The following ADGRB3 variants were observed in gnomAD, a reference collection of about 807,000 sequenced individuals.
ADGRB3 encodes adhesion G protein-coupled receptor B3, also known as brain-specific angiogenesis inhibitor 3.
A neutral mutation model predicts 193.4 loss-of-function variants in ADGRB3; 37 were observed. That is an observed-to-expected ratio of 0.19 (90% confidence interval 0.15 to 0.25). The LOEUF (loss-of-function observed/expected upper bound fraction) is 0.25, where lower values mean the gene tolerates loss of function less well. ADGRB3 is among the 10% of genes least tolerant of loss of function. The pLI is 1.00. For missense variants in ADGRB3, 1,637 were observed against 1,852.9 expected, an observed-to-expected ratio of 0.88 and a Z score of 2.14; for synonymous variants, 690 against 644.2, an observed-to-expected ratio of 1.07 and a Z score of -1.08.
intron 20 of ADGRB3, among the ~76,000 whole-genome samples, chr6:69,302,139 A>C (rs565593290): frequency 3.6e-4 from 55 of 152,098 alleles, no homozygotes; most frequent in African/African-American, 1.3e-3. Flanking sequence ...AATGTAGATG[A>C]AAGTGTCCTA....
At chr6:68,956,982 T>A (rs1768094521) in intron 8 of ADGRB3, among the ~76,000 whole-genome samples, 173 bp downstream of exon 8, 1 of 152,226 alleles carries the variant, frequency 6.6e-6, no homozygotes, top group Admixed American at 6.5e-5. Flanking sequence ...TTATGTGTCA[T>A]AGAATCGTTC....
At chr6:69,203,651 CT>C (rs1312138324) in intron 17 of ADGRB3, among the ~76,000 whole-genome samples, 1 of 152,136 alleles carries the variant, frequency 6.6e-6, no homozygotes, top group Non-Finnish European at 1.5e-5. Flanking sequence ...AGCCACAATA[CT>C]TTCTGCTTCC....
chr6:69,158,161 A>G lies in ADGRB3; in HGVS notation c.2481-75129A>G, dbSNP rs185218109. Reference sequence around the variant, plus strand: ...ATTTTCTTATTCATTGTTTACTTCTATATTTCTCCCTACCATATTGTAAAT... The same window carrying G: ...ATTTTCTTATTCATTGTTTACTTCTGTATTTCTCCCTACCATATTGTAAAT... On this transcript the variant is annotated intron_variant, in intron 17 of 31. Coordinates refer to ENST00000370598, the MANE Select transcript of ADGRB3 (RefSeq NM_001704.3). 3.4e-3 allele frequency among the ~76,000 whole-genome samples: 522 copies of G among 152,184 alleles called. 2 individuals carry two copies. The highest frequency in any genetic ancestry group is 0.014 in the Middle Eastern group (4 of 292).
At chr6:69,218,650 T>G (rs1345218670) in intron 17 of ADGRB3, among the ~76,000 whole-genome samples, 1 of 152,170 alleles carries the variant, frequency 6.6e-6, no homozygotes, top group African/African-American at 2.4e-5. Flanking sequence ...TGACTTTCTA[T>G]AGAGAATCTG....
rs1317697901 is a variant in ADGRB3, at chr6:68,961,574, T to C, written c.1525+4765T>C. On this transcript the variant is annotated intron_variant, in intron 8 of 31. Coordinates refer to ENST00000370598, the MANE Select transcript of ADGRB3 (RefSeq NM_001704.3). Reference sequence around the variant, plus strand: ...GAACTAATCACTACTGATACAAATATTTTTGTCTTTGAGACAAATTTAACA... The same window carrying C: ...GAACTAATCACTACTGATACAAATACTTTTGTCTTTGAGACAAATTTAACA... Among the ~76,000 whole-genome samples the C allele has an allele frequency of 2.6e-5, 4 of 152,160 alleles. No individual in the cohort carries two copies. The East Asian group carries it at 7.7e-4, about 29-fold the overall frequency.
At chr6:68,941,555 A>G (rs2150250412) in intron 5 of ADGRB3, among the ~76,000 whole-genome samples, 1 of 152,204 alleles carries the variant, frequency 6.6e-6, no homozygotes, top group East Asian at 1.9e-4. Flanking sequence ...ATTGTGCAAT[A>G]TAGAACAGTA....
chr6:69,077,578 C>A (rs1409757364), intron 17 of ADGRB3, among the ~76,000 whole-genome samples: 1 of 151,818 alleles, frequency 6.6e-6, no homozygotes, highest in Non-Finnish European at 1.5e-5. Context: ...TTTTGTGCCT[C>A]CTGTTGGCTA....
chr6:69,151,411 T>C (rs1774675958), intron 17 of ADGRB3, among the ~76,000 whole-genome samples: 1 of 152,138 alleles, frequency 6.6e-6, no homozygotes, highest in African/African-American at 2.4e-5. Flanking sequence ...CCACAATCAC[T>C]GTGCTCCCCC....
chr6:68,722,426 A>G lies in ADGRB3; in HGVS notation c.757+82994A>G, dbSNP rs549605999. Among the ~76,000 whole-genome samples, 194 of 151,822 alleles carry G rather than the reference A, an allele frequency of 1.3e-3. 1 individual carries two copies. Among genetic ancestry groups the G allele is most frequent in the African/African-American group, 4.5e-3 (186 of 41,488 alleles). ...AAACTACCATGGCACGTGTACGTCT[A>G]TGTGACAAACCTGCACTTTCTGCAC... On this transcript the variant is annotated intron_variant, in intron 3 of 31. Coordinates refer to ENST00000370598, the MANE Select transcript of ADGRB3 (RefSeq NM_001704.3).
chr6:68,846,103 A>G (rs79895724), intron 3 of ADGRB3, among the ~76,000 whole-genome samples: 1 of 152,254 alleles, frequency 6.6e-6, no homozygotes, highest in Non-Finnish European at 1.5e-5. Flanking sequence ...TGTTTTAGCA[A>G]ATAAACTGGC....
chr6:69,299,103 A>C (rs778407076), intron 20 of ADGRB3, among the ~76,000 whole-genome samples: 3 of 151,860 alleles, frequency 2.0e-5, no homozygotes, highest in Admixed American at 1.3e-4. Flanking sequence ...ATCTTATTGT[A>C]GTTTTGATAT....
chr6:68,707,464 C>T (rs1458804910), intron 3 of ADGRB3, among the ~76,000 whole-genome samples: 4 of 151,938 alleles, frequency 2.6e-5, no homozygotes, highest in Admixed American at 1.3e-4. Context: ...CCAATATATG[C>T]CATTTATTAG....
rs1457526423 is a variant in ADGRB3 at position 68,641,423 on chromosome 6, C to A, written c.757+1991C>A. On this transcript the variant is annotated intron_variant, in intron 3 of 31. Transcript: ENST00000370598. Reference sequence around the variant, plus strand: ...GATTTTAGACAGCAGATGTATAAATCATGGGAGACAAATTGTATATTGTCA... The same window carrying A: ...GATTTTAGACAGCAGATGTATAAATAATGGGAGACAAATTGTATATTGTCA... 2.0e-5 allele frequency among the ~76,000 whole-genome samples: 3 copies of A among 151,938 alleles called. No individual in the cohort carries two copies. In the East Asian group the frequency reaches 5.8e-4, roughly 29 times the overall value.
chr6:69,306,991 T>C (rs912519166), intron 20 of ADGRB3, among the ~76,000 whole-genome samples: 1 of 151,432 alleles, frequency 6.6e-6, no homozygotes, highest in Admixed American at 6.6e-5. Context: ...ATGCCTGGTT[T>C]ACATGCCTGC....
intron 3 of ADGRB3, among the ~76,000 whole-genome samples, chr6:68,836,830 A>AT (rs1312781765): frequency 2.0e-5 from 3 of 151,898 alleles, no homozygotes; most frequent in South Asian, 4.1e-4. Flanking sequence ...TCTCTATTTT[A>AT]TTTTTTTTAA....
At chr6:68,897,861 GAAAA>G (rs370291845) in intron 3 of ADGRB3, among the ~76,000 whole-genome samples, 15,114 of 135,356 alleles carry the variant, frequency 0.11, 926 homozygotes, top group Non-Finnish European at 0.15. Context: ...GAAAACAAAA[GAAAA>G]AAGAAAGAAA....
At chr6:69,112,990 T>C (rs1195526069) in intron 17 of ADGRB3, among the ~76,000 whole-genome samples, 2 of 152,138 alleles carry the variant, frequency 1.3e-5, no homozygotes, top group Non-Finnish European at 2.9e-5. Context: ...ACTCCTGACA[T>C]CAGGTGGTCT....
chr6:68,728,124 A>T (rs1308176075), intron 3 of ADGRB3, among the ~76,000 whole-genome samples: 2 of 151,546 alleles, frequency 1.3e-5, no homozygotes, highest in Non-Finnish European at 3.0e-5. Flanking sequence ...ATAGTATAAC[A>T]CATTAATGAA....
chr6:69,109,156 C>A (rs1773298752), intron 17 of ADGRB3, among the ~76,000 whole-genome samples: 1 of 150,682 alleles, frequency 6.6e-6, no homozygotes, highest in Admixed American at 6.6e-5. Flanking sequence ...TATGTTATTT[C>A]TCTTAGTATA....
Sources: gnomAD v4.1 joint callset for allele counts (sites outside exome capture counted in the v4.1 genomes callset) on GRCh38, gnomAD v4.1.1 for gene constraint, MANE v1.5 for transcripts, NCBI Gene and HGNC (gene_info 2026-07-23, HGNC 2026-07-21) for gene names.